LCORL: variants seen among roughly 807,000 people sequenced by gnomAD.
LCORL encodes ligand-dependent nuclear receptor corepressor-like protein.
In LCORL, 41 loss-of-function variants were observed where a neutral mutation model predicts 141.8. That is an observed-to-expected ratio of 0.29 (90% confidence interval 0.23 to 0.38). The LOEUF is 0.38. LCORL is among the 10% of genes least tolerant of loss of function. The pLI, the probability that LCORL is intolerant of heterozygous loss-of-function variation, is 1.00. For missense variants in LCORL, 1,759 were observed against 2,035.0 expected, an observed-to-expected ratio of 0.86 and a Z score of 2.61; for synonymous variants, 618 against 694.1, an observed-to-expected ratio of 0.89 and a Z score of 1.72.
chr4:17,964,496 C>A (rs1347400544), intron 2 of LCORL, among the ~76,000 whole-genome samples: 1 of 151,884 alleles, frequency 6.6e-6, no homozygotes, highest in Non-Finnish European at 1.5e-5. Flanking sequence ...GGTCAGTTTG[C>A]AGAAAGATTT....
chr4:17,968,947 A>G (rs1560419579), intron 2 of LCORL, among the ~76,000 whole-genome samples: 1 of 152,210 alleles, frequency 6.6e-6, no homozygotes, highest in Non-Finnish European at 1.5e-5. Flanking sequence ...TAGAGAAAAA[A>G]CAGTAAGCAT....
At position 17,846,113 on chromosome 4, in the gene LCORL, G is replaced by GT. The variant is rs35297916; in HGVS notation, c.5603-213dup. On this transcript the variant is annotated intron_variant, in intron 7 of 7. Coordinates refer to ENST00000635767, the Ensembl canonical transcript of LCORL. ...CCATGTAACCTGTGTAACTTGAGAA[G>GT]TTACATATGACTGAAAAAGTAACAT... 4.5e-3 allele frequency among the ~76,000 whole-genome samples: 689 copies of GT among 152,178 alleles called. 1 individual carries two copies. The highest frequency in any genetic ancestry group is 0.01 in the Middle Eastern group (3 of 294).
chr4:17,873,687 G>A (rs920877643), exon 7 of LCORL: 1 of 1,233,858 alleles, frequency 8.1e-7, no homozygotes, highest in Non-Finnish European at 1.0e-6. Context: ...AAAGCGCTTT[G>A]ATTCTTCCAT....
chr4:17,996,494 T>C (rs1473215617), intron 1 of LCORL, among the ~76,000 whole-genome samples: 4 of 152,170 alleles, frequency 2.6e-5, no homozygotes, highest in East Asian at 3.9e-4. Context: ...AAACAGACTA[T>C]GAATACTTTA....
intron 1 of LCORL, among the ~76,000 whole-genome samples, chr4:17,975,806 T>C (rs1716838151): frequency 6.6e-6 from 1 of 152,222 alleles, no homozygotes; most frequent in East Asian, 1.9e-4. Context: ...CACTGGTGAA[T>C]ATTCCATGTA....
At chr4:17,984,055 T>C (rs1718504435) in intron 1 of LCORL, among the ~76,000 whole-genome samples, 1 of 152,214 alleles carries the variant, frequency 6.6e-6, no homozygotes, top group Non-Finnish European at 1.5e-5. Context: ...GTTCTGTTTA[T>C]ATGATGAATC....
chr4:17,850,369 C>T (rs1253275406), intron 7 of LCORL, among the ~76,000 whole-genome samples: 1 of 150,054 alleles, frequency 6.7e-6, no homozygotes, highest in African/African-American at 2.4e-5. Flanking sequence ...AGAAAATTTT[C>T]ACAACCTACT....
At chr4:18,008,152 A>T (rs1214772464) in intron 1 of LCORL, among the ~76,000 whole-genome samples, 1 of 152,198 alleles carries the variant, frequency 6.6e-6, no homozygotes, top group Admixed American at 6.5e-5. Flanking sequence ...GATAGAAGGT[A>T]ACTTTATATC....
At chr4:17,845,989 G>T in intron 7 of LCORL, 88 bp from the exon 8 acceptor site, 1 of 1,063,314 alleles carries the variant, frequency 9.4e-7, no homozygotes, top group Non-Finnish European at 1.4e-6. Flanking sequence ...TTGTAGTAGT[G>T]TTTGGACCTC....
chr4:17,876,720 G>A (rs936881195), exon 7 of LCORL: 2 of 1,230,710 alleles, frequency 1.6e-6, no homozygotes, highest in Non-Finnish European at 2.0e-6. Flanking sequence ...AAGAGTTTGA[G>A]TATTACCTAA....
chr4:17,946,490 TTTTTG>T (rs1331195883), intron 4 of LCORL, among the ~76,000 whole-genome samples: 3 of 152,016 alleles, frequency 2.0e-5, no homozygotes, highest in Non-Finnish European at 2.9e-5. Flanking sequence ...GTATGTTATG[TTTTTG>T]TTTTATGTCA....
intron 1 of LCORL, among the ~76,000 whole-genome samples, chr4:18,008,006 C>T (rs1015330594): frequency 6.6e-6 from 1 of 151,928 alleles, no homozygotes; most frequent in African/African-American, 2.4e-5. Context: ...TTTTCCATAC[C>T]CTAAATTGGC....
rs548035866 is a variant in LCORL at position 18,012,774 on chromosome 4, T to C, written c.154+8824A>G. ...TATTTGCCTCAGTATTTTGTTACTA[T>C]CAGCTCTCAGCTTAATGAAATTAAC... On this transcript the variant is annotated intron_variant, in intron 1 of 7. Transcript: ENST00000635767. 2.6e-5 allele frequency among the ~76,000 whole-genome samples: 4 copies of C among 152,298 alleles called. No homozygotes were observed. In the South Asian group the frequency reaches 6.2e-4, roughly 24 times the overall value.
At chr4:17,962,674 T>C (rs1240548919) in intron 3 of LCORL, among the ~76,000 whole-genome samples, 1 of 151,902 alleles carries the variant, frequency 6.6e-6, no homozygotes, top group Non-Finnish European at 1.5e-5. Flanking sequence ...CATCCCTCTA[T>C]ACCTAAATAC....
chr4:17,856,273 C>G (rs1724357131), intron 7 of LCORL, among the ~76,000 whole-genome samples: 1 of 152,138 alleles, frequency 6.6e-6, no homozygotes, highest in African/African-American at 2.4e-5. Context: ...AAGCTCTAAC[C>G]CTGAAGGTGA....
At chr4:17,881,709 G>T in intron 6 of LCORL, 1 of 941,210 alleles carries the variant, frequency 1.1e-6, no homozygotes, top group Non-Finnish European at 1.3e-6. Flanking sequence ...TAAATATAGT[G>T]TGAGGAATAA....
intron 4 of LCORL, chr4:17,912,431 C>T: frequency 1.7e-6 from 1 of 597,426 alleles, no homozygotes; most frequent in East Asian, 3.9e-5. Flanking sequence ...CAGGACCTTG[C>T]CAAGATCATG....
At chr4:17,920,999 C>T (rs1011952551) in intron 4 of LCORL, among the ~76,000 whole-genome samples, 5 of 152,108 alleles carry the variant, frequency 3.3e-5, no homozygotes, top group African/African-American at 1.2e-4. Context: ...GACTTCCTCC[C>T]ATGAATCAGT....
chr4:17,984,682 C>T (rs138529958), intron 1 of LCORL, among the ~76,000 whole-genome samples: 30 of 151,468 alleles, frequency 2.0e-4, no homozygotes, highest in African/African-American at 5.8e-4. Context: ...TAGCTAGTGA[C>T]GTATTTTATT....
Sources: gnomAD v4.1 joint callset for allele counts (sites outside exome capture counted in the v4.1 genomes callset) on GRCh38, gnomAD v4.1.1 for gene constraint, MANE v1.5 for transcripts, NCBI Gene and HGNC (gene_info 2026-07-23, HGNC 2026-07-21) for gene names.